The following CAMK2D variants were observed in gnomAD, a reference collection of about 807,000 sequenced individuals.
The protein encoded by CAMK2D is calcium/calmodulin dependent protein kinase II delta, also known as calcium/calmodulin-dependent protein kinase type II subunit delta.
CAMK2D carries 37 observed loss-of-function variants against 84.0 expected under a neutral mutation model. That is an observed-to-expected ratio of 0.44 (90% CI 0.34 to 0.58). The LOEUF is 0.58. Among genes scored for constraint, CAMK2D ranks in the 20% least tolerant of loss-of-function variants. The pLI, the probability that CAMK2D is intolerant of heterozygous loss-of-function variation, is 0.02. For synonymous variants in CAMK2D, 202 were observed against 212.5 expected (o/e 0.95, Z 0.43); for missense variants, 448 against 652.5 (o/e 0.69, Z 3.41).
intron 2 of CAMK2D, among the ~76,000 whole-genome samples, chr4:113,720,555 T>C (rs2099527479): frequency 1.3e-5 from 2 of 152,050 alleles, no homozygotes; most frequent in Non-Finnish European, 2.9e-5. Context: ...CATCTATAAA[T>C]GCTAAAAAGT....
chr4:113,470,884 T>C (rs2154117904), intron 16 of CAMK2D, among the ~76,000 whole-genome samples: 1 of 152,370 alleles, frequency 6.6e-6, no homozygotes, highest in African/African-American at 2.4e-5. Context: ...AATAAGTATT[T>C]GAATGAATAG....
intron 2 of CAMK2D, among the ~76,000 whole-genome samples, chr4:113,746,781 T>G (rs1473665289): frequency 4.0e-5 from 6 of 149,188 alleles, no homozygotes; most frequent in Non-Finnish European, 6.0e-5. Flanking sequence ...TGGCCTGAAA[T>G]CAGGAGATCT....
At position 113,454,245 on chromosome 4, in the gene CAMK2D, A is replaced by G; in HGVS notation, c.*300T>C. 3.2e-6 allele frequency: 1 copy of G among 308,492 alleles called. No homozygotes were observed. The highest frequency in any genetic ancestry group is 5.9e-6 in the Non-Finnish European group (1 of 169,632). The allele number at this position is 308,492 out of a possible 1,614,324, so 19.1% of individuals were successfully genotyped here. A position where few individuals can be genotyped will look rare whatever the true frequency, so the allele number is the denominator to read the frequency against. ...AAACTTGATGAAGAGTTGTACTTGG[A>G]ATATTGTGGATTTTTTTTTTTGTCT... On this transcript the variant is annotated 3_prime_UTR_variant, in exon 21 of 21. Coordinates refer to ENST00000511664, the MANE Select transcript of CAMK2D (RefSeq NM_001321571.2).
At chr4:113,528,907 T>A (rs2098439600) in intron 8 of CAMK2D, among the ~76,000 whole-genome samples, 1 of 152,162 alleles carries the variant, frequency 6.6e-6, no homozygotes, top group African/African-American at 2.4e-5. Context: ...ATGCTCTAAT[T>A]CAAGGCATTT....
At chr4:113,479,721 A>AT (rs2097675826) in intron 16 of CAMK2D, among the ~76,000 whole-genome samples, 1 of 152,216 alleles carries the variant, frequency 6.6e-6, no homozygotes, top group South Asian at 2.1e-4. Flanking sequence ...GGGTCTTAAC[A>AT]TTTATACCTA....
At chr4:113,466,586 C>T (rs117560177) in intron 16 of CAMK2D, among the ~76,000 whole-genome samples, 1 of 152,238 alleles carries the variant, frequency 6.6e-6, no homozygotes, top group East Asian at 1.9e-4. Context: ...GAAGAAGTGA[C>T]ATATGAATCA....
chr4:113,696,195 GACACACACACACACACACAC>G (rs56784441), intron 2 of CAMK2D, among the ~76,000 whole-genome samples: 8 of 144,530 alleles, frequency 5.5e-5, no homozygotes, highest in East Asian at 2.1e-4. Context: ...CAGACACACA[GACACACACACACACACACAC>G]ACACACACAC....
intron 4 of CAMK2D, among the ~76,000 whole-genome samples, chr4:113,564,788 T>C (rs1467830064): frequency 6.6e-6 from 1 of 152,236 alleles, no homozygotes; most frequent in Non-Finnish European, 1.5e-5. Flanking sequence ...AAACTCCTAT[T>C]CTTCTAGTCA....
At position 113,535,006 on chromosome 4, in the gene CAMK2D, A is replaced by G. The variant is rs150863578; in HGVS notation, c.517+2335T>C. ...AAAACATTAAGCTCAAAAACAGACG[A>G]GATTTAAGGAGCTTGATTCCAACAT... On this transcript the variant is annotated intron_variant, in intron 7 of 20. Transcript: ENST00000511664. Among the ~76,000 whole-genome samples the G allele has an allele frequency of 5.8e-3, 887 of 152,314 alleles. 11 individuals carry two copies. Among genetic ancestry groups the G allele is most frequent in the African/African-American group, 0.02 (834 of 41,576 alleles).
At chr4:113,671,938 C>A (rs545688297) in intron 2 of CAMK2D, among the ~76,000 whole-genome samples, 2 of 152,196 alleles carry the variant, frequency 1.3e-5, no homozygotes, top group East Asian at 3.9e-4. Context: ...TATATATTCA[C>A]TTTTGAGTTT....
chr4:113,492,402 CAGT>C (rs1333450122), intron 16 of CAMK2D, among the ~76,000 whole-genome samples: 1 of 152,140 alleles, frequency 6.6e-6, no homozygotes, highest in Non-Finnish European at 1.5e-5. Flanking sequence ...ACTATGTACC[CAGT>C]AGTCATTCAG....
chr4:113,704,001 AC>A (rs1445203043), intron 2 of CAMK2D, among the ~76,000 whole-genome samples: 1 of 150,446 alleles, frequency 6.6e-6, no homozygotes, highest in African/African-American at 2.4e-5. Flanking sequence ...ATACCTGAAA[AC>A]CTTTTTGCTT....
chr4:113,726,745 T>A (rs1027138814), intron 2 of CAMK2D, among the ~76,000 whole-genome samples: 8 of 152,092 alleles, frequency 5.3e-5, no homozygotes, highest in South Asian at 2.1e-4. Flanking sequence ...ATGAGAATAC[T>A]AGTGATCACA....
chr4:113,547,739 G>GTGT, intron 5 of CAMK2D, 23 bp from the exon 6 acceptor site: 1 of 1,497,736 alleles, frequency 6.7e-7, no homozygotes, highest in Non-Finnish European at 9.0e-7. Flanking sequence ...ACCAGGGGGC[G>GTGT]TGTGTTAGTT....
chr4:113,560,521 C>A (rs2098693300), intron 4 of CAMK2D, among the ~76,000 whole-genome samples: 1 of 152,102 alleles, frequency 6.6e-6, no homozygotes, highest in Non-Finnish European at 1.5e-5. Context: ...CCTAGCAAAT[C>A]CTAGACTCAG....
At chr4:113,620,853 G>T (rs1309758903) in intron 3 of CAMK2D, among the ~76,000 whole-genome samples, 1 of 152,094 alleles carries the variant, frequency 6.6e-6, no homozygotes, top group Admixed American at 6.6e-5. Flanking sequence ...CCAAATTTAA[G>T]AAATATAATT....
At chr4:113,614,754 A>C (rs943687845) in intron 3 of CAMK2D, among the ~76,000 whole-genome samples, 1 of 152,206 alleles carries the variant, frequency 6.6e-6, no homozygotes, top group Non-Finnish European at 1.5e-5. Context: ...GTTACCTAAC[A>C]ATAGATAAAT....
chr4:113,505,284 GCAAA>G (rs1255883000), intron 13 of CAMK2D, among the ~76,000 whole-genome samples: 1 of 152,200 alleles, frequency 6.6e-6, no homozygotes, highest in Non-Finnish European at 1.5e-5. Context: ...TGCCACCTTA[GCAAA>G]CAAAGAGCTG....
At chr4:113,478,078 T>A (rs1337090008) in intron 16 of CAMK2D, among the ~76,000 whole-genome samples, 3 of 152,054 alleles carry the variant, frequency 2.0e-5, no homozygotes, top group Admixed American at 2.0e-4. Context: ...TTATATGAAC[T>A]GAGATTAAGA....
Sources: allele counts gnomAD v4.1 joint callset (sites outside exome capture counted in the v4.1 genomes callset), GRCh38; gene constraint gnomAD v4.1.1; transcripts MANE v1.5; gene names NCBI Gene and HGNC (gene_info 2026-07-23, HGNC 2026-07-21).